The following LRMDA variants were observed in gnomAD, a reference collection of about 807,000 sequenced individuals.
The protein encoded by LRMDA is leucine rich melanocyte differentiation associated.
LRMDA carries 18 observed loss-of-function variants against 29.8 expected under a neutral mutation model. That is an observed-to-expected ratio of 0.60 (90% CI 0.42 to 0.90). The LOEUF is 0.90. LRMDA is among the 40% of genes least tolerant of loss of function. The probability of loss-of-function intolerance (pLI) is 0.00; values close to 1 mark genes in which losing one functional copy is unlikely to be tolerated. For missense variants in LRMDA, 273 were observed against 273.9 expected (o/e 1.00, Z 0.02); for synonymous variants, 125 against 109.4 (o/e 1.14, Z -0.89).
chr10:75,978,526 A>G (rs767209180), intron 2 of LRMDA, among the ~76,000 whole-genome samples: 4 of 152,146 alleles, frequency 2.6e-5, no homozygotes, highest in African/African-American at 4.8e-5. Context: ...TGAAAGGAAA[A>G]TGGAATCGTT....
intron 2 of LRMDA, among the ~76,000 whole-genome samples, chr10:75,556,582 A>G (rs1840215931): frequency 6.6e-6 from 1 of 152,204 alleles, no homozygotes; most frequent in South Asian, 2.1e-4. Flanking sequence ...TATGTGAGTA[A>G]ACAACAACAA....
chr10:75,636,541 CTTTTTTCATT>C (rs1212112743), intron 2 of LRMDA, among the ~76,000 whole-genome samples: 3 of 151,734 alleles, frequency 2.0e-5, no homozygotes, highest in African/African-American at 7.3e-5. Context: ...TTTTAATTGC[CTTTTTTCATT>C]TTTTTTCATG....
intron 2 of LRMDA, among the ~76,000 whole-genome samples, chr10:75,657,831 A>C (rs964595709): frequency 1.3e-5 from 2 of 152,100 alleles, no homozygotes; most frequent in Admixed American, 1.3e-4. Context: ...CTCTAATAAG[A>C]AAGACAGTAG....
intron 2 of LRMDA, among the ~76,000 whole-genome samples, chr10:75,830,078 C>T (rs1230551300): frequency 6.6e-6 from 1 of 151,938 alleles, no homozygotes; most frequent in Non-Finnish European, 1.5e-5. Context: ...TTTTTGAGAC[C>T]TAGGTCAGCC....
chr10:75,765,138 T>A (rs997166602), intron 2 of LRMDA, among the ~76,000 whole-genome samples: 3 of 152,226 alleles, frequency 2.0e-5, no homozygotes, highest in Admixed American at 6.5e-5. Flanking sequence ...TACTTAGTTT[T>A]ACTTTTGTAA....
At chr10:75,680,847 T>TA (rs563986556) in intron 2 of LRMDA, among the ~76,000 whole-genome samples, 8 of 152,200 alleles carry the variant, frequency 5.3e-5, no homozygotes, top group African/African-American at 9.6e-5. Flanking sequence ...CAATCTCTAT[T>TA]AAAAAAAGTT....
intron 2 of LRMDA, among the ~76,000 whole-genome samples, chr10:75,955,329 C>T (rs978512083): frequency 1.3e-5 from 2 of 152,158 alleles, no homozygotes; most frequent in Non-Finnish European, 2.9e-5. Flanking sequence ...TCCCAGCCTC[C>T]ATGCTCCACA....
At chr10:75,661,946 A>G (rs2132135433) in intron 2 of LRMDA, among the ~76,000 whole-genome samples, 1 of 152,320 alleles carries the variant, frequency 6.6e-6, no homozygotes, top group Non-Finnish European at 1.5e-5. Flanking sequence ...TACCAGACAA[A>G]TTACAGCCTG....
chr10:75,436,596 T>TA (rs1844266655), intron 1 of LRMDA, among the ~76,000 whole-genome samples: 1 of 151,952 alleles, frequency 6.6e-6, no homozygotes, highest in African/African-American at 2.4e-5. Flanking sequence ...GCCTCCTGAG[T>TA]AGCTGGGACT....
chr10:75,652,757 G>A (rs1841615782), intron 2 of LRMDA, among the ~76,000 whole-genome samples: 1 of 152,152 alleles, frequency 6.6e-6, no homozygotes, highest in Non-Finnish European at 1.5e-5. Flanking sequence ...ATCTGTCCAG[G>A]AAGCATTCTG....
chr10:75,851,074 G>T (rs879716887), intron 2 of LRMDA, among the ~76,000 whole-genome samples: 61 of 152,228 alleles, frequency 4.0e-4, no homozygotes, highest in African/African-American at 1.4e-3. Flanking sequence ...GAATATGATT[G>T]GGTATTATTA....
At chr10:76,246,045 G>T (rs1011449999) in intron 5 of LRMDA, among the ~76,000 whole-genome samples, 3 of 152,184 alleles carry the variant, frequency 2.0e-5, no homozygotes, top group Non-Finnish European at 4.4e-5. Context: ...ATGATCCCAT[G>T]TCCATATTTC....
chr10:76,215,983 G>A (rs1283325085), intron 5 of LRMDA, among the ~76,000 whole-genome samples: 2 of 152,146 alleles, frequency 1.3e-5, no homozygotes, highest in African/African-American at 2.4e-5. Flanking sequence ...GACATAAAGA[G>A]GGTTGACTAT....
At chr10:75,852,413 TTTGGAAAAGAGGTTAA>T (rs1192919486) in intron 2 of LRMDA, among the ~76,000 whole-genome samples, 1 of 152,140 alleles carries the variant, frequency 6.6e-6, no homozygotes, top group Non-Finnish European at 1.5e-5. Flanking sequence ...AACAACACTT[TTTGGAAAAGAGGTTAA>T]TTGGATGGTA....
intron 2 of LRMDA, among the ~76,000 whole-genome samples, chr10:75,810,462 G>T (rs1843939138): frequency 6.6e-6 from 1 of 152,162 alleles, no homozygotes; most frequent in Non-Finnish European, 1.5e-5. Context: ...CCCAATATTG[G>T]GCATAGTGGA....
chr10:76,175,286 G>A (rs570610989), intron 5 of LRMDA, among the ~76,000 whole-genome samples: 3 of 152,216 alleles, frequency 2.0e-5, no homozygotes, highest in East Asian at 3.9e-4. Flanking sequence ...GCTTGGATTC[G>A]AACACCAGCT....
intron 2 of LRMDA, among the ~76,000 whole-genome samples, chr10:76,002,711 C>T (rs1847582109): frequency 6.6e-6 from 1 of 152,166 alleles, no homozygotes; most frequent in Non-Finnish European, 1.5e-5. Context: ...AGGCCAGGAG[C>T]ATGTCTGGAG....
At chr10:76,143,862 T>C (rs1304353346) in intron 5 of LRMDA, among the ~76,000 whole-genome samples, 2 of 152,234 alleles carry the variant, frequency 1.3e-5, no homozygotes. Flanking sequence ...CTTGAATTAA[T>C]TTTTGTATAA....
At chr10:75,648,138 A>G (rs770078737) in intron 2 of LRMDA, among the ~76,000 whole-genome samples, 10 of 152,252 alleles carry the variant, frequency 6.6e-5, no homozygotes, top group African/African-American at 2.4e-4. Flanking sequence ...CAGGATGTAC[A>G]TTAAGTTAAG....
Sources: gnomAD v4.1 joint callset for allele counts (sites outside exome capture counted in the v4.1 genomes callset) on GRCh38, gnomAD v4.1.1 for gene constraint, MANE v1.5 for transcripts, NCBI Gene and HGNC (gene_info 2026-07-23, HGNC 2026-07-21) for gene names.